The following DOK6 variants were observed in gnomAD, a reference collection of about 807,000 sequenced individuals.
DOK6 encodes the protein docking protein 6, also known as downstream of tyrosine kinase 6.
Under a neutral mutation model 44.0 loss-of-function variants are expected in DOK6, and 22 were observed. The ratio of observed to expected loss-of-function variants is 0.50; its 90% CI spans 0.36 to 0.71. DOK6 has a LOEUF of 0.71. Among genes scored for constraint, DOK6 ranks in the 30% least tolerant of loss-of-function variants. The pLI is 0.00. For synonymous variants in DOK6, 166 were observed against 145.5 expected (o/e 1.14, Z -1.01); for missense variants, 340 against 416.4 (o/e 0.82, Z 1.60).
intron 3 of DOK6, among the ~76,000 whole-genome samples, chr18:69,638,747 A>C (rs1984869617): frequency 6.6e-6 from 1 of 152,226 alleles, no homozygotes; most frequent in African/African-American, 2.4e-5. Flanking sequence ...AGCTTGAAGA[A>C]GGATCCAGAA....
intron 5 of DOK6, 34 bp from the exon 6 acceptor site, chr18:69,738,931 A>C: frequency 1.9e-6 from 3 of 1,611,308 alleles, no homozygotes; most frequent in Non-Finnish European, 2.5e-6. Flanking sequence ...GAACACATGG[A>C]GACCCATCTC....
chr18:69,499,142 A>C (rs1210368291), intron 1 of DOK6, among the ~76,000 whole-genome samples: 10 of 152,164 alleles, frequency 6.6e-5, no homozygotes, highest in Non-Finnish European at 1.0e-4. Flanking sequence ...ACAGAAATGT[A>C]ATAAAAATAG....
chr18:69,606,904 A>T (rs1352196545), intron 3 of DOK6, among the ~76,000 whole-genome samples: 1 of 151,796 alleles, frequency 6.6e-6, no homozygotes, highest in Admixed American at 6.6e-5. Context: ...AGGAAATTTT[A>T]AAAAATAAGC....
intron 7 of DOK6, among the ~76,000 whole-genome samples, chr18:69,796,721 A>G (rs1255768444): frequency 1.3e-5 from 2 of 152,216 alleles, no homozygotes; most frequent in Non-Finnish European, 2.9e-5. Flanking sequence ...GACAAAGCAC[A>G]CATGTCCAGA....
At chr18:69,487,045 T>TCAGG (rs1252474669) in intron 1 of DOK6, among the ~76,000 whole-genome samples, 1 of 152,102 alleles carries the variant, frequency 6.6e-6, no homozygotes, top group Non-Finnish European at 1.5e-5. Context: ...GCCTTTCCTG[T>TCAGG]CAGGGCCTGT....
chr18:69,586,409 C>T (rs1054110567), intron 2 of DOK6, among the ~76,000 whole-genome samples: 1 of 152,186 alleles, frequency 6.6e-6, no homozygotes, highest in African/African-American at 2.4e-5. Flanking sequence ...CTCAGGTTGA[C>T]AGCAGGCCCT....
chr18:69,430,517 C>T (rs1267599163), intron 1 of DOK6, among the ~76,000 whole-genome samples: 1 of 152,112 alleles, frequency 6.6e-6, no homozygotes, highest in African/African-American at 2.4e-5. Flanking sequence ...CCAAAATCTC[C>T]CCCGCTTCCT....
chr18:69,648,286 G>T (rs1985135367), intron 3 of DOK6, among the ~76,000 whole-genome samples: 1 of 152,100 alleles, frequency 6.6e-6, no homozygotes, highest in African/African-American at 2.4e-5. Context: ...TTGGTAAGTT[G>T]GGTACAAACC....
intron 2 of DOK6, among the ~76,000 whole-genome samples, chr18:69,566,215 G>A (rs1242625655): frequency 6.6e-6 from 1 of 151,880 alleles, no homozygotes; most frequent in Non-Finnish European, 1.5e-5. Context: ...TCGGCTCACT[G>A]TAAGCTCCGC....
rs554563246 is a variant in DOK6 at position 69,755,828 on chromosome 18, TA to T, written c.739-1927del. Among the ~76,000 whole-genome samples the T allele has an allele frequency of 1.5e-3, 232 of 152,268 alleles. 1 individual carries two copies. In the Middle Eastern group the frequency reaches 0.024, roughly 16 times the overall value. ...TTCTTGTCTCACAACCAGGAAAAAT[TA>T]GGCATGTGAACACATTGAAGGGTGA... On this transcript the variant is annotated intron_variant, in intron 6 of 7. Transcript: ENST00000382713.
At chr18:69,515,159 C>A (rs1275662212) in intron 1 of DOK6, among the ~76,000 whole-genome samples, 1 of 152,104 alleles carries the variant, frequency 6.6e-6, no homozygotes, top group Admixed American at 6.6e-5. Context: ...ATGATTTATC[C>A]AGAGTGCTTA....
chr18:69,771,005 C>T (rs776367271), intron 7 of DOK6, among the ~76,000 whole-genome samples: 1 of 151,976 alleles, frequency 6.6e-6, no homozygotes, highest in Non-Finnish European at 1.5e-5. Context: ...ATTTCTGTAC[C>T]TTCCATTGAA....
intron 1 of DOK6, among the ~76,000 whole-genome samples, chr18:69,426,823 TG>T (rs1412424079): frequency 2.0e-5 from 3 of 152,206 alleles, no homozygotes; most frequent in Admixed American, 2.0e-4. Context: ...TTGACTTTTT[TG>T]TACTCTCCTT....
At chr18:69,409,922 T>G (rs1978299137) in intron 1 of DOK6, among the ~76,000 whole-genome samples, 1 of 152,224 alleles carries the variant, frequency 6.6e-6, no homozygotes, top group African/African-American at 2.4e-5. Flanking sequence ...CAGAGTGTTT[T>G]AAAGACCGTA....
At position 69,564,456 on chromosome 18, in the gene DOK6, T is replaced by C. The variant is rs746808383; in HGVS notation, c.67-31T>C. 16 of 1,587,506 alleles carry C rather than the reference T, an allele frequency of 1.0e-5. No individual in the cohort carries two copies. In the East Asian group the frequency reaches 3.4e-4, roughly 33 times the overall value. On this transcript the variant is annotated intron_variant, in intron 1 of 7. Coordinates refer to ENST00000382713, the MANE Select transcript of DOK6 (RefSeq NM_152721.6). ...AATGTCGTAAACTCATGTAAAAATA[T>C]GGATAATGGGATTCCTTTATTTGCT...
intron 1 of DOK6, among the ~76,000 whole-genome samples, chr18:69,445,403 T>C (rs1366586225): frequency 6.6e-6 from 1 of 152,218 alleles, no homozygotes; most frequent in East Asian, 1.9e-4. Context: ...TTTCACTGTT[T>C]TGTATAATGC....
intron 1 of DOK6, among the ~76,000 whole-genome samples, chr18:69,495,898 C>A (rs576197755): frequency 1.3e-5 from 2 of 152,232 alleles, no homozygotes; most frequent in East Asian, 3.9e-4. Context: ...GCACACCCAG[C>A]CAGACTGGGA....
At chr18:69,761,209 C>A (rs866938641) in intron 7 of DOK6, among the ~76,000 whole-genome samples, 1 of 130,978 alleles carries the variant, frequency 7.6e-6, no homozygotes, top group Non-Finnish European at 1.6e-5. Flanking sequence ...CTATTAAGAG[C>A]CTGCCTTTCC....
At chr18:69,779,794 G>A (rs1980202216) in intron 7 of DOK6, among the ~76,000 whole-genome samples, 1 of 151,664 alleles carries the variant, frequency 6.6e-6, no homozygotes, top group Admixed American at 6.6e-5. Flanking sequence ...CAGGGGACTT[G>A]TAATTGGTCT....
Sources: gnomAD v4.1 joint callset for allele counts (sites outside exome capture counted in the v4.1 genomes callset) on GRCh38, gnomAD v4.1.1 for gene constraint, MANE v1.5 for transcripts, NCBI Gene and HGNC (gene_info 2026-07-23, HGNC 2026-07-21) for gene names.